The following DGLUCY variants were observed in gnomAD, a reference collection of about 807,000 sequenced individuals.
DGLUCY encodes D-glutamate cyclase, mitochondrial.
Under a neutral mutation model 58.5 loss-of-function variants are expected in DGLUCY, and 58 were observed. The observed-to-expected ratio is 0.99, with a 90% CI of 0.80 to 1.23. DGLUCY has a LOEUF of 1.23. Among genes scored for constraint, DGLUCY ranks in the 50% most tolerant of loss-of-function variants. The pLI is 0.00. For missense variants in DGLUCY, 779 were observed against 784.7 expected, an observed-to-expected ratio of 0.99 and a Z score of 0.09; for synonymous variants, 325 against 314.1, an observed-to-expected ratio of 1.03 and a Z score of -0.37.
chr14:91,099,411 T>C (rs2044447639), intron 1 of DGLUCY, among the ~76,000 whole-genome samples: 1 of 151,832 alleles, frequency 6.6e-6, no homozygotes, highest in Non-Finnish European at 1.5e-5. Context: ...CATAAACATG[T>C]AGTCCCAGCT....
rs1397979756 is a variant in DGLUCY, at chr14:91,204,735, A to T, written c.1474A>T (p.Met492Leu). 1.2e-6 allele frequency: 2 copies of T among 1,613,978 alleles called. No individual in the cohort carries two copies. The highest frequency in any genetic ancestry group is 2.2e-5 in the East Asian group (1 of 44,870). Residue 492 changes from methionine (M) to leucine (L), a missense_variant, in exon 12 of 14, where the codon ATG (methionine) becomes TTG (leucine). Transcript: ENST00000256324. ...CGGTGATGGAGGCAACGAGCTTGGG[A>T]TGGGTAAAGTCAAGGAGGCTGTGAG... Reference protein sequence around the residue: ...GVGDGGNELGMGKVKEAVRRH... With the variant: ...GVGDGGNELGLGKVKEAVRRH...
At chr14:91,094,426 C>T (rs1421976221) in intron 1 of DGLUCY, among the ~76,000 whole-genome samples, 2 of 147,226 alleles carry the variant, frequency 1.4e-5, no homozygotes, top group Non-Finnish European at 3.0e-5. Flanking sequence ...CCGAGCGAGA[C>T]TCTGTCCCCA....
At chr14:91,077,874 GGGAAGGAA>G (rs200495361) in intron 1 of DGLUCY, among the ~76,000 whole-genome samples, 2 of 148,082 alleles carry the variant, frequency 1.4e-5, no homozygotes, top group East Asian at 2.0e-4. Context: ...AAGGAAGGAA[GGGAAGGAA>G]GGAAGGAAGG....
At position 91,224,672 on chromosome 14, in the gene DGLUCY, A is replaced by G. The variant is rs375194141; in HGVS notation, c.1717-12A>G. Reference sequence around the variant, plus strand: ...CCTCCACTCCTTCTATTTCTGCCCTATTTTTTTCCAGGAAGAAAAAATGCT... The same window carrying G: ...CCTCCACTCCTTCTATTTCTGCCCTGTTTTTTTCCAGGAAGAAAAAATGCT... On this transcript the variant is annotated splice_polypyrimidine_tract_variant and intron_variant, in intron 13 of 13. Coordinates refer to ENST00000256324, the MANE Select transcript of DGLUCY (RefSeq NM_001102368.3). The G allele has an allele frequency of 4.4e-6, 7 of 1,585,014 alleles. No individual in the cohort carries two copies. Among genetic ancestry groups the G allele is most frequent in the African/African-American group, 4.0e-5 (3 of 74,314 alleles).
chr14:91,193,094 G>C (rs2049998935), intron 9 of DGLUCY, among the ~76,000 whole-genome samples: 2 of 152,108 alleles, frequency 1.3e-5, no homozygotes, highest in African/African-American at 4.8e-5. Context: ...ATTGCGTCCT[G>C]GGTCTCCCTG....
chr14:91,103,510 A>C (rs1386976554), upstream of DGLUCY, among the ~76,000 whole-genome samples: 1 of 151,962 alleles, frequency 6.6e-6, no homozygotes, highest in African/African-American at 2.4e-5. Context: ...CACCAAATAC[A>C]CACGCCTTCC....
chr14:91,063,531 G>C (rs1029185130), intron 1 of DGLUCY, among the ~76,000 whole-genome samples: 2 of 152,196 alleles, frequency 1.3e-5, no homozygotes, highest in Non-Finnish European at 2.9e-5. Flanking sequence ...TGTGATGTGA[G>C]CAATACATAC....
intron 13 of DGLUCY, among the ~76,000 whole-genome samples, chr14:91,219,757 G>A (rs1887148948): frequency 2.0e-5 from 3 of 152,190 alleles, no homozygotes; most frequent in Admixed American, 6.5e-5. Flanking sequence ...TTCCTAAGAC[G>A]TCATCAAGGG....
At chr14:91,150,509 G>A (rs1002935399) in intron 1 of DGLUCY, among the ~76,000 whole-genome samples, 14 of 151,776 alleles carry the variant, frequency 9.2e-5, no homozygotes, top group Non-Finnish European at 1.9e-4. Context: ...TGGTGCAATC[G>A]TGGCTCACAG....
chr14:91,082,218 A>G (rs911081080), intron 1 of DGLUCY, among the ~76,000 whole-genome samples: 9 of 152,192 alleles, frequency 5.9e-5, no homozygotes, highest in Admixed American at 1.3e-4. Flanking sequence ...GTTTGACTGC[A>G]TGCAACACCC....
At chr14:91,215,957 C>T (rs1886457316) in intron 13 of DGLUCY, 10 of 349,294 alleles carry the variant, frequency 2.9e-5, no homozygotes, top group South Asian at 2.3e-4. Context: ...CACCACCCAG[C>T]GAGGCCACTA....
intron 9 of DGLUCY, chr14:91,189,666 G>A (rs1044423126): frequency 4.2e-5 from 7 of 167,538 alleles, no homozygotes; most frequent in South Asian, 1.5e-4. Context: ...CCAGATCAGC[G>A]TCGGGCTCAA....
chr14:91,063,981 G>A (rs2043776307), intron 1 of DGLUCY, among the ~76,000 whole-genome samples: 1 of 152,210 alleles, frequency 6.6e-6, no homozygotes, highest in Non-Finnish European at 1.5e-5. Context: ...GAGAGTGGGT[G>A]CAGTAGAGAT....
At chr14:91,161,457 G>C (rs999357886) in intron 3 of DGLUCY, among the ~76,000 whole-genome samples, 1 of 152,216 alleles carries the variant, frequency 6.6e-6, no homozygotes, top group African/African-American at 2.4e-5. Context: ...CGCTTCTTCT[G>C]TTCCATGTGG....
rs981009244 is a variant in DGLUCY at position 91,140,941 on chromosome 14, C to T, written c.-81-16698C>T. Among the ~76,000 whole-genome samples the T allele has an allele frequency of 5.3e-5, 8 of 152,288 alleles. No individual in the cohort carries two copies. In the East Asian group the frequency reaches 1.5e-3, roughly 29 times the overall value. On this transcript the variant is annotated intron_variant, in intron 1 of 13. Transcript: ENST00000256324. ...GTGAATCCTGTAGGATTTCATGAGA[C>T]TCAGGAAACCTTCAGGTCTGATTGC... is the stretch of plus-strand genomic sequence containing the variant.
In DGLUCY at chr14:91,193,735, G is replaced by T. The variant is rs550547572; in HGVS notation, c.1196-2640G>T. Reference sequence around the variant, plus strand: ...CACGCGCCTGTAGTCCTAGCTACTAGGGAGGCTGAGGCAGGAGAACCGCTT... The same window carrying T: ...CACGCGCCTGTAGTCCTAGCTACTATGGAGGCTGAGGCAGGAGAACCGCTT... On this transcript the variant is annotated intron_variant, in intron 9 of 13. Coordinates refer to ENST00000256324, the MANE Select transcript of DGLUCY (RefSeq NM_001102368.3). Among the ~76,000 whole-genome samples the T allele has an allele frequency of 1.5e-4, 23 of 152,120 alleles. 1 individual carries two copies. The South Asian group carries it at 2.5e-3, about 16-fold the overall frequency.
intron 1 of DGLUCY, among the ~76,000 whole-genome samples, chr14:91,134,383 C>T (rs139348454): frequency 6.6e-6 from 1 of 151,596 alleles, no homozygotes; most frequent in Non-Finnish European, 1.5e-5. Flanking sequence ...AGATTTATTC[C>T]TGGGTAATTG....
chr14:91,207,703 G>GA (rs1179327864), intron 12 of DGLUCY, among the ~76,000 whole-genome samples: 13 of 152,070 alleles, frequency 8.5e-5, no homozygotes, highest in Non-Finnish European at 1.5e-4. Flanking sequence ...CTTCTCTACA[G>GA]AAAACATATA....
chr14:91,150,109 C>A (rs55811227), intron 1 of DGLUCY, among the ~76,000 whole-genome samples: 1 of 150,096 alleles, frequency 6.7e-6, no homozygotes, highest in Non-Finnish European at 1.5e-5. Context: ...GTCCCAGCTA[C>A]TCAGGAGGCT....
Sources: gnomAD v4.1 joint callset for allele counts (sites outside exome capture counted in the v4.1 genomes callset) on GRCh38, gnomAD v4.1.1 for gene constraint, MANE v1.5 for transcripts, NCBI Gene and HGNC (gene_info 2026-07-23, HGNC 2026-07-21) for gene names.